Variants in CAMTA1 observed in about 807,000 individuals in gnomAD.
The protein encoded by CAMTA1 is calmodulin binding transcription activator 1, also known as calmodulin-binding transcription activator 1.
Under a neutral mutation model 170.9 loss-of-function variants are expected in CAMTA1, and 27 were observed. The observed-to-expected ratio is 0.16, with a 90% confidence interval of 0.12 to 0.22. The LOEUF is 0.22. CAMTA1 is among the 10% of genes least tolerant of loss of function. CAMTA1 has a pLI of 1.00. For missense variants in CAMTA1, 1,619 were observed against 2,217.2 expected, an observed-to-expected ratio of 0.73 and a Z score of 5.42; for synonymous variants, 833 against 891.5, an observed-to-expected ratio of 0.93 and a Z score of 1.17.
intron 3 of CAMTA1, among the ~76,000 whole-genome samples, chr1:6,929,249 G>C (rs541519732): frequency 6.6e-6 from 1 of 152,118 alleles, no homozygotes; most frequent in Admixed American, 6.5e-5. Flanking sequence ...GTGCGATCTC[G>C]GCTCACTGCA....
At position 7,225,539 on chromosome 1, in the gene CAMTA1, G is replaced by A. The variant is rs1661549432; in HGVS notation, c.303-23952G>A. On this transcript the variant is annotated intron_variant, in intron 4 of 22. Transcript: ENST00000303635. ...ACTTCCCTTTCCTGGGGTTGTGGGT[G>A]GGGTGTTGCTGAGAACACCTGGGAG... Among the ~76,000 whole-genome samples the A allele has an allele frequency of 3.9e-5, 6 of 152,186 alleles. 1 individual carries two copies. In the South Asian group the frequency reaches 1.2e-3, roughly 32 times the overall value.
intron 3 of CAMTA1, among the ~76,000 whole-genome samples, chr1:6,868,354 A>G (rs550763476): frequency 6.9e-6 from 1 of 144,294 alleles, no homozygotes; most frequent in Non-Finnish European, 1.5e-5. Context: ...CAAAACAAAA[A>G]ACGACTGTAT....
intron 3 of CAMTA1, among the ~76,000 whole-genome samples, chr1:6,898,899 AT>A (rs5772257): frequency 1.0e-3 from 150 of 150,196 alleles, no homozygotes; most frequent in African/African-American, 3.1e-3. Context: ...ATTTTGTTTG[AT>A]TTTTTTTTTC....
chr1:7,174,328 A>C (rs982760990), intron 4 of CAMTA1, among the ~76,000 whole-genome samples: 2 of 152,270 alleles, frequency 1.3e-5, no homozygotes, highest in Non-Finnish European at 2.9e-5. Context: ...CATTAGTCAG[A>C]GTGAGGAAGC....
chr1:7,049,859 C>T (rs183368887), intron 3 of CAMTA1, among the ~76,000 whole-genome samples: 17 of 152,284 alleles, frequency 1.1e-4, no homozygotes, highest in Admixed American at 7.2e-4. Flanking sequence ...GTCCTGGACA[C>T]TAGGATGTGG....
intron 5 of CAMTA1, among the ~76,000 whole-genome samples, chr1:7,374,023 G>A (rs2086668429): frequency 6.6e-6 from 1 of 152,200 alleles, no homozygotes; most frequent in Non-Finnish European, 1.5e-5. Context: ...CCTGACTGGT[G>A]GCTCCTGCCC....
At chr1:7,107,692 CTG>C (rs1395885858) in intron 4 of CAMTA1, among the ~76,000 whole-genome samples, 9 of 152,176 alleles carry the variant, frequency 5.9e-5, no homozygotes, top group African/African-American at 2.2e-4. Context: ...CCAGGCAGAG[CTG>C]TCTCTCCCAG....
intron 5 of CAMTA1, among the ~76,000 whole-genome samples, chr1:7,302,767 C>T (rs901536388): frequency 2.0e-5 from 3 of 152,190 alleles, no homozygotes; most frequent in Non-Finnish European, 4.4e-5. Flanking sequence ...TATTGGGCTT[C>T]CCCGCTTGAT....
In CAMTA1 at chr1:7,001,879, TTTC is replaced by T. The variant is rs56185909; in HGVS notation, c.235-89407_235-89405del. Among the ~76,000 whole-genome samples, 414 of 133,470 alleles carry T rather than the reference TTTC, an allele frequency of 3.1e-3. 3 individuals carry two copies. Among genetic ancestry groups the T allele is most frequent in the African/African-American group, 0.011 (377 of 33,462 alleles). 87.6% of individuals were successfully genotyped at this position (133,470 alleles called of 152,430 possible). The stretch of plus-strand genomic sequence containing the variant: ...ACTTAATTACAACCCTTTTTCTTTC[TTTC>T]TTCTTCTTCTTCTTCTTTTTTTTTT... On this transcript the variant is annotated intron_variant, in intron 3 of 22. Coordinates refer to ENST00000303635, the MANE Select transcript of CAMTA1 (RefSeq NM_015215.4).
At chr1:7,222,569 G>C (rs1240789633) in intron 4 of CAMTA1, among the ~76,000 whole-genome samples, 1 of 152,232 alleles carries the variant, frequency 6.6e-6, no homozygotes, top group Non-Finnish European at 1.5e-5. Context: ...GTGGGCAGGA[G>C]TGGGTCATGA....
At chr1:7,111,897 A>C (rs11580834) in intron 4 of CAMTA1, among the ~76,000 whole-genome samples, 7 of 132,706 alleles carry the variant, frequency 5.3e-5, no homozygotes, top group East Asian at 2.3e-4. Flanking sequence ...AAAAAAAAAA[A>C]AAAAAAAAAA....
At chr1:7,720,860 A>G (rs2096645187) in intron 11 of CAMTA1, among the ~76,000 whole-genome samples, 2 of 152,274 alleles carry the variant, frequency 1.3e-5, no homozygotes, top group African/African-American at 2.4e-5. Context: ...CCGGGCAGAC[A>G]CTTGCTTTCC....
rs894228051 is a variant in CAMTA1, at chr1:7,310,234, C to G, written c.438+60608C>G. Reference sequence around the variant, plus strand: ...TGACTGACAGTTCTTTCTTTCATCACTTAAAAAATGTTTCACTTCTTTCTG... The same window carrying G: ...TGACTGACAGTTCTTTCTTTCATCAGTTAAAAAATGTTTCACTTCTTTCTG... On this transcript the variant is annotated intron_variant, in intron 5 of 22. Coordinates refer to ENST00000303635, the MANE Select transcript of CAMTA1 (RefSeq NM_015215.4). Among the ~76,000 whole-genome samples the G allele has an allele frequency of 2.0e-5, 3 of 152,192 alleles. No individual in the cohort carries two copies. The East Asian group carries it at 5.8e-4, about 29-fold the overall frequency.
At chr1:7,103,589 CACA>C (rs1643081653) in intron 4 of CAMTA1, among the ~76,000 whole-genome samples, 2 of 147,716 alleles carry the variant, frequency 1.4e-5, no homozygotes, top group Admixed American at 6.7e-5. Context: ...CACATGTACA[CACA>C]ACACACATGT....
In CAMTA1 at chr1:7,286,922, C is replaced by T. The variant is rs953008711; in HGVS notation, c.438+37296C>T. On this transcript the variant is annotated intron_variant, in intron 5 of 22. Coordinates refer to ENST00000303635, the MANE Select transcript of CAMTA1 (RefSeq NM_015215.4). The surrounding 1 kb of genome is among the most constrained non-coding windows in gnomAD (Gnocchi z 4.2). The stretch of plus-strand genomic sequence containing the variant: ...GAGAGTTTAGCTCAGTGCCTTCCAT[C>T]GACTTGACACTCAGTAAACAGAAGC... Among the ~76,000 whole-genome samples, 4 of 152,180 alleles carry T rather than the reference C, an allele frequency of 2.6e-5. No homozygotes were observed. Among genetic ancestry groups the T allele is most frequent in the African/African-American group, 7.2e-5 (3 of 41,450 alleles).
rs1673514358 is a variant in CAMTA1, at chr1:6,887,386, G to T, written c.234+62176G>T. On this transcript the variant is annotated intron_variant, in intron 3 of 22. Coordinates refer to ENST00000303635, the MANE Select transcript of CAMTA1 (RefSeq NM_015215.4). This position sits in a 1 kb window ranked among gnomAD's most constrained non-coding sequence, Gnocchi z 4.1. ...AGTCATGCTGTAACGATTGCAAAAA[G>T]ACCATTGTATGAGACCCAGTTTTGG... 2.6e-5 allele frequency among the ~76,000 whole-genome samples: 4 copies of T among 152,122 alleles called. No homozygotes were observed. In the South Asian group the frequency reaches 8.3e-4, roughly 31 times the overall value.
chr1:6,967,087 G>C (rs1449844062), intron 3 of CAMTA1, among the ~76,000 whole-genome samples: 3 of 151,628 alleles, frequency 2.0e-5, no homozygotes, highest in African/African-American at 7.3e-5. Flanking sequence ...ACTAAAATAC[G>C]GAAGGTAGCC....
intron 5 of CAMTA1, among the ~76,000 whole-genome samples, chr1:7,357,197 A>G (rs1362870215): frequency 1.3e-5 from 2 of 152,142 alleles, no homozygotes; most frequent in African/African-American, 4.8e-5. Context: ...TACAGGGAGG[A>G]AAGAAGGCAT....
In CAMTA1 at chr1:7,712,825, CGAA is replaced by C. The variant is rs565970302; in HGVS notation, c.2915-19621_2915-19619del. 5.6e-3 allele frequency among the ~76,000 whole-genome samples: 632 copies of C among 112,028 alleles called. 4 individuals carry two copies. The highest frequency in any genetic ancestry group is 8.3e-3 in the Middle Eastern group (2 of 240). The allele number at this position is 112,028 out of a possible 152,430, so 73.5% of individuals were successfully genotyped here. A position where few individuals can be genotyped will look rare whatever the true frequency, so the allele number is the denominator to read the frequency against. On this transcript the variant is annotated intron_variant, in intron 11 of 22. Transcript: ENST00000303635. ...GTGGCCTCACAATCATGGCAGAAAG[CGAA>C]GGAGGAGCAAAGGCACGTCTTAACA...
Sources: gnomAD v4.1 joint callset for allele counts (sites outside exome capture counted in the v4.1 genomes callset) on GRCh38, gnomAD v4.1.1 for gene constraint, Gnocchi (gnomAD v3.1) non-coding constraint, MANE v1.5 for transcripts, NCBI Gene and HGNC (gene_info 2026-07-23, HGNC 2026-07-21) for gene names.